The following CNIH3 variants were observed in gnomAD, a reference collection of about 807,000 sequenced individuals.
CNIH3 encodes the protein protein cornichon homolog 3.
A neutral mutation model predicts 24.1 loss-of-function variants in CNIH3; 14 were observed. That is an observed-to-expected ratio of 0.58 (90% CI 0.38 to 0.91). The LOEUF (loss-of-function observed/expected upper bound fraction) is 0.91. Among genes scored for constraint, CNIH3 ranks in the 40% least tolerant of loss-of-function variants. CNIH3 has a pLI of 0.00. For synonymous variants in CNIH3, 68 were observed against 73.8 expected (o/e 0.92, Z 0.40); for missense variants, 178 against 196.8 (o/e 0.90, Z 0.57).
chr1:224,686,398 G>A (rs989296419), intron 3 of CNIH3, among the ~76,000 whole-genome samples: 1 of 152,008 alleles, frequency 6.6e-6, no homozygotes, highest in Non-Finnish European at 1.5e-5. Flanking sequence ...TCTTAATCCA[G>A]TCTATCATTT....
intron 1 of CNIH3, among the ~76,000 whole-genome samples, chr1:224,441,164 AT>A (rs1674895090): frequency 6.6e-6 from 1 of 152,134 alleles, no homozygotes; most frequent in Admixed American, 6.5e-5. Flanking sequence ...GGGTTGTGAG[AT>A]TGTATATAAT....
downstream of CNIH3, chr1:224,588,687 C>T (rs1244310468): frequency 6.6e-6 from 1 of 151,854 alleles, no homozygotes; most frequent in Non-Finnish European, 1.5e-5. Context: ...AGGAATCTGA[C>T]AAGCAGAGGT....
At chr1:224,563,121 A>G (rs1036701637) in intron 3 of CNIH3, among the ~76,000 whole-genome samples, 1 of 152,212 alleles carries the variant, frequency 6.6e-6, no homozygotes, top group Non-Finnish European at 1.5e-5. Context: ...AAGAATGTTC[A>G]TAGCATCATT....
chr1:224,527,569 G>A (rs1396048202), intron 2 of CNIH3, among the ~76,000 whole-genome samples: 1 of 152,138 alleles, frequency 6.6e-6, no homozygotes, highest in Non-Finnish European at 1.5e-5. Flanking sequence ...TGTATTTATA[G>A]CACAACATGA....
At chr1:224,556,818 T>C (rs767482309) in intron 3 of CNIH3, among the ~76,000 whole-genome samples, 17 of 152,216 alleles carry the variant, frequency 1.1e-4, no homozygotes, top group Non-Finnish European at 2.1e-4. Context: ...GTCAGTGGCC[T>C]GCGGGTTGGG....
chr1:224,536,413 T>C (rs1054899649), intron 2 of CNIH3, among the ~76,000 whole-genome samples: 4 of 148,432 alleles, frequency 2.7e-5, no homozygotes, highest in Non-Finnish European at 5.9e-5. Flanking sequence ...TGCCTCAGCC[T>C]CCTGAGTAGC....
Position 224,464,085 on chromosome 1 carries a change from G to A in CNIH3, n.203+29223G>A, listed in dbSNP as rs556090480. 4.6e-5 allele frequency among the ~76,000 whole-genome samples: 7 copies of A among 151,998 alleles called. No individual in the cohort carries two copies. The South Asian group carries it at 6.2e-4, about 14-fold the overall frequency. Reference sequence around the variant, plus strand: ...ATTACAGGTGTGAGCCACCGCGCTCGACCTGGATTGTCTTCATTCTTTTCG... The same window carrying A: ...ATTACAGGTGTGAGCCACCGCGCTCAACCTGGATTGTCTTCATTCTTTTCG... On this transcript the variant is annotated intron_variant and non_coding_transcript_variant, in intron 1 of 5. Transcript: ENST00000471578.
chr1:224,562,590 A>G lies in CNIH3; in HGVS notation n.451-3609A>G, dbSNP rs527943706. Among the ~76,000 whole-genome samples, 6 of 152,288 alleles carry G rather than the reference A, an allele frequency of 3.9e-5. No homozygotes were observed. In the South Asian group the frequency reaches 1.2e-3, roughly 32 times the overall value. ...TTGAAATTTGATCCCCAGTATTGGAAGATGGGGCGTAATGGGAGGTGTTTG... is the reference window on the plus strand; with the variant it reads ...TTGAAATTTGATCCCCAGTATTGGAGGATGGGGCGTAATGGGAGGTGTTTG... On this transcript the variant is annotated intron_variant and non_coding_transcript_variant, in intron 3 of 5. Transcript: ENST00000471578.
intron 3 of CNIH3, among the ~76,000 whole-genome samples, chr1:224,602,095 T>C (rs1682233266): frequency 3.9e-5 from 6 of 152,240 alleles, no homozygotes; most frequent in Admixed American, 3.9e-4. Context: ...GTTTTAAATG[T>C]CTCATTTAAA....
chr1:224,738,312 C>T (rs1689699944), intron 5 of CNIH3, among the ~76,000 whole-genome samples: 1 of 152,222 alleles, frequency 6.6e-6, no homozygotes, highest in African/African-American at 2.4e-5. Context: ...ATGCAAAAAG[C>T]ACTGGCTTTG....
At chr1:224,602,443 T>C (rs1682246119) in intron 3 of CNIH3, among the ~76,000 whole-genome samples, 1 of 152,238 alleles carries the variant, frequency 6.6e-6, no homozygotes, top group Non-Finnish European at 1.5e-5. Flanking sequence ...AATTGATCTT[T>C]TGATTGTTTT....
Position 224,734,782 on chromosome 1 carries a change from C to T in CNIH3, c.455+76C>T, listed in dbSNP as rs2241765. Reference sequence around the variant, plus strand: ...GAATTTCAGGCTGGCCTCTGGGAGGCGTCCTTTGGGAGATGGCGTGCGAGG... The same window carrying T: ...GAATTTCAGGCTGGCCTCTGGGAGGTGTCCTTTGGGAGATGGCGTGCGAGG... On this transcript the variant is annotated intron_variant, in intron 5 of 5. Transcript: ENST00000272133. 1.1e-3 allele frequency: 1,620 copies of T among 1,526,458 alleles called. 22 individuals are homozygous for T. In the East Asian group the frequency reaches 0.027, roughly 26 times the overall value. The allele number at this position is 1,526,458 out of a possible 1,614,324, so 94.6% of individuals were successfully genotyped here. A position where few individuals can be genotyped will look rare whatever the true frequency, so the allele number is the denominator to read the frequency against.
intron 1 of CNIH3, among the ~76,000 whole-genome samples, chr1:224,653,836 T>G (rs1366248722): frequency 6.6e-6 from 1 of 152,192 alleles, no homozygotes; most frequent in Non-Finnish European, 1.5e-5. Context: ...TCCCAGCACT[T>G]CGGTAGGCCG....
chr1:224,461,959 T>A (rs1675929904), intron 1 of CNIH3, among the ~76,000 whole-genome samples: 1 of 152,210 alleles, frequency 6.6e-6, no homozygotes, highest in South Asian at 2.1e-4. Flanking sequence ...TTCATCCACG[T>A]TGTAGCATTT....
chr1:224,620,997 C>T (rs1018938706), intron 1 of CNIH3, among the ~76,000 whole-genome samples: 2 of 152,232 alleles, frequency 1.3e-5, no homozygotes, highest in African/African-American at 4.8e-5. Context: ...CAGTGTGTCT[C>T]ATTTATATAA....
At chr1:224,543,292 C>CT (rs1490352030) in intron 2 of CNIH3, among the ~76,000 whole-genome samples, 1 of 152,180 alleles carries the variant, frequency 6.6e-6, no homozygotes, top group Non-Finnish European at 1.5e-5. Flanking sequence ...TGGGATCCTT[C>CT]TGGATCTTGC....
At chr1:224,545,942 A>C (rs1679689732) in intron 2 of CNIH3, among the ~76,000 whole-genome samples, 1 of 152,018 alleles carries the variant, frequency 6.6e-6, no homozygotes, top group East Asian at 1.9e-4. Context: ...GTTTCTCCCG[A>C]GGCCCCTCTC....
At chr1:224,586,401 C>A (rs1348965925) in intron 5 of CNIH3, among the ~76,000 whole-genome samples, 1 of 152,170 alleles carries the variant, frequency 6.6e-6, no homozygotes, top group African/African-American at 2.4e-5. Context: ...ACCATCAGAT[C>A]ACATGAGACT....
At chr1:224,568,160 C>A (rs1013240353) in intron 4 of CNIH3, among the ~76,000 whole-genome samples, 1 of 152,018 alleles carries the variant, frequency 6.6e-6, no homozygotes, top group Non-Finnish European at 1.5e-5. Flanking sequence ...CATGGTGGCA[C>A]GTGCCTGTTA....
Sources: allele counts gnomAD v4.1 joint callset (sites outside exome capture counted in the v4.1 genomes callset), GRCh38; gene constraint gnomAD v4.1.1; transcripts MANE v1.5; gene names NCBI Gene and HGNC (gene_info 2026-07-23, HGNC 2026-07-21).